Variants in CXCR5 observed in about 807,000 individuals in gnomAD.
CXCR5 encodes the protein C-X-C motif chemokine receptor 5.
A neutral mutation model predicts 5.6 loss-of-function variants in CXCR5; 3 were observed. That is an observed-to-expected ratio of 0.54 (90% confidence interval 0.24 to 1.39). The LOEUF is 1.39. Among genes scored for constraint, CXCR5 ranks in the 40% most tolerant of loss-of-function variants. The pLI is 0.16. For synonymous variants in CXCR5, 218 were observed against 219.9 expected, an observed-to-expected ratio of 0.99 and a Z score of 0.08; for missense variants, 333 against 494.6, an observed-to-expected ratio of 0.67 and a Z score of 3.10.
At chr11:118,884,945 C>CTCTGGGT in intron 1 of CXCR5, among the ~76,000 whole-genome samples, 1 of 152,260 alleles carries the variant, frequency 6.6e-6, no homozygotes. Flanking sequence ...GGAGAGAGGA[C>CTCTGGGT]TTGTTTCGGG....
At chr11:118,889,204 G>C (rs1939769415) in intron 1 of CXCR5, among the ~76,000 whole-genome samples, 1 of 152,192 alleles carries the variant, frequency 6.6e-6, no homozygotes, top group African/African-American at 2.4e-5. Context: ...TCCACTCTCA[G>C]CCTCATTCTG....
intron 1 of CXCR5, among the ~76,000 whole-genome samples, chr11:118,885,534 G>A (rs150289291): frequency 6.6e-6 from 1 of 152,296 alleles, no homozygotes; most frequent in African/African-American, 2.4e-5. Context: ...CCTGGCCCCC[G>A]GTCACAGCCG....
chr11:118,892,638 C>A (rs1270520848), intron 1 of CXCR5, among the ~76,000 whole-genome samples: 1 of 137,108 alleles, frequency 7.3e-6, no homozygotes, highest in Admixed American at 7.9e-5. Flanking sequence ...TTGTGGTTAG[C>A]TGGGTAAACA....
At position 118,893,859 on chromosome 11, in the gene CXCR5, C is replaced by A. The variant is rs530437351; in HGVS notation, c.315C>A (p.Pro105=). The part of the protein sequence containing the change: ...VADLLLVFIL[P]FAVAEGSVGW... ...ACCTCCTGCTGGTCTTCATCTTGCC[C>A]TTTGCCGTGGCCGAGGGCTCTGTGG... Residue 105 remains proline (P), a synonymous_variant, in exon 2 of 2, where the codon CCC becomes CCA. Transcript: ENST00000292174. The surrounding 1 kb of genome is among the most constrained non-coding windows in gnomAD (Gnocchi z 5.7). 13 of 1,614,120 alleles carry A rather than the reference C, an allele frequency of 8.1e-6. No homozygotes were observed. The East Asian group carries it at 2.0e-4, about 25-fold the overall frequency.
In CXCR5 at chr11:118,886,084, A is replaced by G. The variant is rs940943300; in HGVS notation, c.51+2092A>G. 7.1e-5 allele frequency: 23 copies of G among 322,122 alleles called. No homozygotes were observed. In the Middle Eastern group the frequency reaches 3.4e-3, roughly 47 times the overall value. The allele number at this position is 322,122 out of a possible 1,614,324, so 20.0% of individuals were successfully genotyped here. ...AGACTGTCCCTCAGTGTCACAGTAC[A>G]AAAACCTCGGGCGTAGTGGTACAGG... On this transcript the variant is annotated intron_variant, in intron 1 of 1. Coordinates refer to ENST00000292174, the MANE Select transcript of CXCR5 (RefSeq NM_001716.5).
At position 118,893,790 on chromosome 11, in the gene CXCR5, A is replaced by G; in HGVS notation, c.246A>G (p.Thr82=). The G allele has an allele frequency of 6.2e-7, 1 of 1,614,036 alleles. No individual in the cohort carries two copies. Among genetic ancestry groups the G allele is most frequent in the Non-Finnish European group, 8.5e-7 (1 of 1,179,942 alleles). ...TGATCCTGGAGCGGCACCGGCAGAC[A>G]CGCAGTTCCACGGAGACCTTCCTGT... is the stretch of plus-strand genomic sequence containing the variant. ...VLVILERHRQ[T]RSSTETFLFH... is the part of the protein sequence containing the mutation. The change falls in exon 2 of 2, where the codon ACA becomes ACG. Residue 82 remains threonine (T), a synonymous_variant. Coordinates refer to ENST00000292174, the MANE Select transcript of CXCR5 (RefSeq NM_001716.5). The surrounding 1 kb of genome is among the most constrained non-coding windows in gnomAD (Gnocchi z 5.7).
chr11:118,887,533 G>A (rs984576048), intron 1 of CXCR5: 10 of 683,422 alleles, frequency 1.5e-5, no homozygotes, highest in East Asian at 1.4e-4. Context: ...GCCAAAACCC[G>A]TGGGTAGAGA....
At chr11:118,885,860 A>G (rs1330914895) in intron 1 of CXCR5, 2 of 155,284 alleles carry the variant, frequency 1.3e-5, no homozygotes, top group African/African-American at 2.4e-5. Flanking sequence ...CAATATCTGG[A>G]TCCCTCACTC....
In CXCR5 at chr11:118,894,456, C is replaced by T. The variant is rs187389271; in HGVS notation, c.912C>T (p.Ile304=). 311 of 1,613,768 alleles carry T rather than the reference C, an allele frequency of 1.9e-4. 2 individuals carry two copies. The highest frequency in any genetic ancestry group is 1.5e-3 in the Middle Eastern group (9 of 6,062). Residue 304 remains isoleucine, a synonymous_variant, in exon 2 of 2, where the codon ATC becomes ATT. Transcript: ENST00000292174. The surrounding 1 kb of genome is among the most constrained non-coding windows in gnomAD (Gnocchi z 6.1). ...TGAATGGCTCTCTCCCCGTGGCCAT[C>T]ACCATGTGTGAGTTCCTGGGCCTGG... ...CKLNGSLPVA[I]TMCEFLGLAH...
Position 118,894,876 on chromosome 11 carries a change from A to G in CXCR5, c.*213A>G. The G allele has an allele frequency of 6.3e-6, 3 of 476,818 alleles. No individual in the cohort carries two copies. The highest frequency in any genetic ancestry group is 1.1e-5 in the Non-Finnish European group (3 of 270,264). The allele number at this position is 476,818 out of a possible 1,614,324, so 29.5% of individuals were successfully genotyped here. A position where few individuals can be genotyped will look rare whatever the true frequency, so the allele number is the denominator to read the frequency against. ...CCTGGGGCTAGGCTGGAGCCCAGGG[A>G]GCGGAAAGCAGCTCAAAGGCACAGT... On this transcript the variant is annotated 3_prime_UTR_variant, in exon 2 of 2. Coordinates refer to ENST00000292174, the MANE Select transcript of CXCR5 (RefSeq NM_001716.5). The surrounding 1 kb of genome is among the most constrained non-coding windows in gnomAD (Gnocchi z 6.1).
rs931840030 is a variant in CXCR5, at chr11:118,887,334, G to A, written c.51+3342G>A. 3.9e-5 allele frequency: 38 copies of A among 985,284 alleles called. No homozygotes were observed. The African/African-American group carries it at 6.6e-4, about 17-fold the overall frequency. The allele number at this position is 985,284 out of a possible 1,614,324, so 61.0% of individuals were successfully genotyped here. ...TTTCCAACCCAGGAGATGGTTTCAAGAGGCTGCCACACACACCTGGGAGGC... is the reference window on the plus strand; with the variant it reads ...TTTCCAACCCAGGAGATGGTTTCAAAAGGCTGCCACACACACCTGGGAGGC... On this transcript the variant is annotated intron_variant, in intron 1 of 1. Coordinates refer to ENST00000292174, the MANE Select transcript of CXCR5 (RefSeq NM_001716.5).
Position 118,893,531 on chromosome 11 carries a change from G to C in CXCR5, c.52-65G>C, listed in dbSNP as rs1034810441. On this transcript the variant is annotated intron_variant, in intron 1 of 1. Transcript: ENST00000292174. The surrounding 1 kb of genome is among the most constrained non-coding windows in gnomAD (Gnocchi z 5.7). ...AGGAAAAAACCTCCAAGAGAGCTAG[G>C]GTTCCTCTCAGAGAGGAAAGACAGG... The C allele has an allele frequency of 7.3e-6, 11 of 1,508,574 alleles. No individual in the cohort carries two copies. In the Admixed American group the frequency reaches 2.5e-4, roughly 34 times the overall value. The allele number at this position is 1,508,574 out of a possible 1,614,324, so 93.4% of individuals were successfully genotyped here. A position where few individuals can be genotyped will look rare whatever the true frequency, so the allele number is the denominator to read the frequency against.
intron 1 of CXCR5, among the ~76,000 whole-genome samples, chr11:118,891,391 G>A (rs1423336462): frequency 6.6e-6 from 1 of 151,960 alleles, no homozygotes; most frequent in African/African-American, 2.4e-5. Context: ...CCAGGCTGGA[G>A]CGTAGCAGCA....
chr11:118,893,877 C>G lies in CXCR5; in HGVS notation c.333C>G (p.Gly111=). ...TCTTGCCCTTTGCCGTGGCCGAGGG[C>G]TCTGTGGGCTGGGTCCTGGGGACCT... The part of the protein sequence containing the change: ...VFILPFAVAE[G]SVGWVLGTFL... Residue 111 remains glycine (G), a synonymous_variant, in exon 2 of 2, where the codon GGC becomes GGG. Transcript: ENST00000292174. The surrounding 1 kb of genome is among the most constrained non-coding windows in gnomAD (Gnocchi z 5.7). 2 of 1,614,174 alleles carry G rather than the reference C, an allele frequency of 1.2e-6. No homozygotes were observed. The highest frequency in any genetic ancestry group is 1.7e-6 in the Non-Finnish European group (2 of 1,180,040).
chr11:118,893,981 A>T lies in CXCR5; in HGVS notation c.437A>T (p.Asp146Val). The T allele has an allele frequency of 6.2e-7, 1 of 1,613,812 alleles. No homozygotes were observed. Among genetic ancestry groups the T allele is most frequent in the Non-Finnish European group, 8.5e-7 (1 of 1,180,008 alleles). Residue 146 changes from aspartate to valine, a missense_variant, in exon 2 of 2, where the codon GAC becomes GTC. Transcript: ENST00000292174. The surrounding 1 kb of genome is among the most constrained non-coding windows in gnomAD (Gnocchi z 5.7). ...CTGCTCCTGGCCTGCATCGCCGTGGACCGCTACCTGGCCATTGTCCACGCC... is the reference window on the plus strand; with the variant it reads ...CTGCTCCTGGCCTGCATCGCCGTGGTCCGCTACCTGGCCATTGTCCACGCC... Reference protein sequence around the residue: ...SSLLLACIAVDRYLAIVHAVH... With the variant: ...SSLLLACIAVVRYLAIVHAVH...
At chr11:118,887,262 T>C (rs1270925461) in intron 1 of CXCR5, 6 of 985,186 alleles carry the variant, frequency 6.1e-6, no homozygotes, top group South Asian at 4.7e-5. Flanking sequence ...GACCTAAGAA[T>C]CAGGACACAA....
Position 118,894,319 on chromosome 11 carries a change from AG to A in CXCR5, c.778del (p.Val260TrpfsTer5). On this transcript the variant is annotated frameshift_variant, in exon 2 of 2. Transcript: ENST00000292174. LOFTEE classifies it low-confidence loss of function (END_TRUNC). This position sits in a 1 kb window ranked among gnomAD's most constrained non-coding sequence, Gnocchi z 6.1. ...GCGCCCTCAGCGGCAGAAGGCAGTC[AG>A]GGTGGCCATCCTGGTGACAAGCATC... ...QRRPQRQKAV[R>X]VAILVTSIFF... 6.2e-7 allele frequency: 1 copy of A among 1,614,182 alleles called. No homozygotes were observed. The highest frequency in any genetic ancestry group is 2.2e-5 in the East Asian group (1 of 44,884).
Position 118,894,878 on chromosome 11 carries a change from C to A in CXCR5, c.*215C>A, listed in dbSNP as rs370675743. On this transcript the variant is annotated 3_prime_UTR_variant, in exon 2 of 2. Coordinates refer to ENST00000292174, the MANE Select transcript of CXCR5 (RefSeq NM_001716.5). This position sits in a 1 kb window ranked among gnomAD's most constrained non-coding sequence, Gnocchi z 6.1. ...TGGGGCTAGGCTGGAGCCCAGGGAG[C>A]GGAAAGCAGCTCAAAGGCACAGTGA... 1 of 474,532 alleles carries A rather than the reference C, an allele frequency of 2.1e-6. No homozygotes were observed. The allele number at this position is 474,532 out of a possible 1,614,324, so 29.4% of individuals were successfully genotyped here. A position where few individuals can be genotyped will look rare whatever the true frequency, so the allele number is the denominator to read the frequency against.
In CXCR5 at chr11:118,893,275, C is replaced by T. The variant is rs1248801098; in HGVS notation, c.52-321C>T. The T allele has an allele frequency of 4.1e-6, 2 of 492,126 alleles. No homozygotes were observed. Among genetic ancestry groups the T allele is most frequent in the Non-Finnish European group, 5.3e-6 (2 of 379,946 alleles). 30.5% of individuals were successfully genotyped at this position (492,126 alleles called of 1,614,324 possible). A position where few individuals can be genotyped will look rare whatever the true frequency, so the allele number is the denominator to read the frequency against. ...CAAATTGAAGTCCTGTGACTCCAGCCGCCAAGGCTGCAGGCTTCCGTACAT... is the reference window on the plus strand; with the variant it reads ...CAAATTGAAGTCCTGTGACTCCAGCTGCCAAGGCTGCAGGCTTCCGTACAT... On this transcript the variant is annotated intron_variant, in intron 1 of 1. Transcript: ENST00000292174. The surrounding 1 kb of genome is among the most constrained non-coding windows in gnomAD (Gnocchi z 5.7).
Sources: gnomAD v4.1 joint callset for allele counts (sites outside exome capture counted in the v4.1 genomes callset) on GRCh38, gnomAD v4.1.1 for gene constraint, Gnocchi (gnomAD v3.1) non-coding constraint, MANE v1.5 for transcripts, NCBI Gene and HGNC (gene_info 2026-07-23, HGNC 2026-07-21) for gene names.